GNAQ: variants seen among roughly 807,000 people sequenced by gnomAD.
GNAQ encodes the protein G protein subunit alpha q, also known as guanine nucleotide-binding protein G(q) subunit alpha.
In GNAQ, 8 loss-of-function variants were observed where a neutral mutation model predicts 43.9. The ratio of observed to expected loss-of-function variants is 0.18; its 90% confidence interval spans 0.11 to 0.33. The LOEUF is 0.33. Among genes scored for constraint, GNAQ ranks in the 10% least tolerant of loss-of-function variants. The pLI is 1.00. For synonymous variants in GNAQ, 155 were observed against 170.7 expected (o/e 0.91, Z 0.71); for missense variants, 158 against 450.8 (o/e 0.35, Z 5.88).
intron 5 of GNAQ, among the ~76,000 whole-genome samples, chr9:77,746,700 G>A (rs768169100): frequency 2.9e-4 from 44 of 152,168 alleles, no homozygotes; most frequent in South Asian, 1.0e-3. Context: ...AAAAAATTGG[G>A]TTATATAACT....
chr9:77,944,609 C>T (rs902630890), intron 1 of GNAQ, among the ~76,000 whole-genome samples: 2 of 152,140 alleles, frequency 1.3e-5, no homozygotes, highest in Non-Finnish European at 1.5e-5. Flanking sequence ...TGTGAACCAC[C>T]ATTTCTTCCA....
At chr9:77,946,125 A>T (rs1822891266) in intron 1 of GNAQ, among the ~76,000 whole-genome samples, 1 of 152,218 alleles carries the variant, frequency 6.6e-6, no homozygotes, top group Non-Finnish European at 1.5e-5. Flanking sequence ...AAGTGGTAAC[A>T]TCACTATCTA....
intron 5 of GNAQ, among the ~76,000 whole-genome samples, chr9:77,783,911 T>A (rs1372212735): frequency 6.6e-6 from 1 of 152,052 alleles, no homozygotes; most frequent in Non-Finnish European, 1.5e-5. Flanking sequence ...TTAAAAAAAA[T>A]TCTTGATGAC....
At chr9:77,874,109 A>AAAAAAAAC (rs1261057804) in intron 2 of GNAQ, among the ~76,000 whole-genome samples, 254 of 147,982 alleles carry the variant, frequency 1.7e-3, no homozygotes, top group East Asian at 8.4e-3. Context: ...CATCTCAAAA[A>AAAAAAAAC]AAAAAAACAA....
intron 1 of GNAQ, among the ~76,000 whole-genome samples, chr9:77,998,158 G>T (rs1823599285): frequency 6.6e-6 from 1 of 152,202 alleles, no homozygotes; most frequent in Non-Finnish European, 1.5e-5. Flanking sequence ...GGGTCAAGCT[G>T]CTCGGCTTCC....
intron 2 of GNAQ, among the ~76,000 whole-genome samples, chr9:77,849,004 A>G (rs1387583021): frequency 6.6e-6 from 1 of 152,218 alleles, no homozygotes; most frequent in African/African-American, 2.4e-5. Flanking sequence ...AAGAAGAAAA[A>G]TGTGTGGTGA....
At chr9:77,799,071 A>C (rs1826703288) in intron 3 of GNAQ, among the ~76,000 whole-genome samples, 1 of 152,234 alleles carries the variant, frequency 6.6e-6, no homozygotes, top group Non-Finnish European at 1.5e-5. Flanking sequence ...TGTAAAAAAT[A>C]ATCTGAAATG....
chr9:77,932,462 C>T (rs1165535178), intron 1 of GNAQ, among the ~76,000 whole-genome samples: 3 of 152,092 alleles, frequency 2.0e-5, no homozygotes, highest in Non-Finnish European at 4.4e-5. Flanking sequence ...TACAGAGTGA[C>T]CTGACTGCTG....
intron 1 of GNAQ, among the ~76,000 whole-genome samples, chr9:77,939,994 A>G (rs1829291766): frequency 1.3e-5 from 2 of 152,222 alleles, no homozygotes; most frequent in South Asian, 2.1e-4. Context: ...TCCTAAAACA[A>G]TAATTTCTAA....
chr9:77,762,253 G>A (rs930482572), intron 5 of GNAQ, among the ~76,000 whole-genome samples: 3 of 143,478 alleles, frequency 2.1e-5, no homozygotes. Flanking sequence ...GGAGGTTGGG[G>A]GGTCAGCCCC....
chr9:77,872,997 A>G (rs1292787471), intron 2 of GNAQ, among the ~76,000 whole-genome samples: 1 of 152,238 alleles, frequency 6.6e-6, no homozygotes, highest in Non-Finnish European at 1.5e-5. Flanking sequence ...ATGTTCCCAC[A>G]AAGACACTAG....
At chr9:77,934,812 T>A (rs141283388) in intron 1 of GNAQ, among the ~76,000 whole-genome samples, 2 of 152,330 alleles carry the variant, frequency 1.3e-5, no homozygotes, top group East Asian at 3.9e-4. Context: ...ACTGTTCATG[T>A]GGCATCTAAT....
intron 1 of GNAQ, among the ~76,000 whole-genome samples, chr9:77,956,908 G>A (rs920417032): frequency 1.3e-5 from 2 of 152,116 alleles, no homozygotes; most frequent in Non-Finnish European, 2.9e-5. Context: ...CATTTATTTG[G>A]GGTTTGAAAT....
At chr9:77,876,989 A>C (rs543351257) in intron 2 of GNAQ, among the ~76,000 whole-genome samples, 1 of 150,976 alleles carries the variant, frequency 6.6e-6, no homozygotes, top group East Asian at 1.9e-4. Flanking sequence ...TATTATTATC[A>C]TCAATTAAAT....
chr9:77,951,727 C>T (rs1451285230), intron 1 of GNAQ, among the ~76,000 whole-genome samples: 1 of 152,160 alleles, frequency 6.6e-6, no homozygotes, highest in East Asian at 1.9e-4. Context: ...TTTCTACCAC[C>T]CAACCTTACG....
At chr9:78,000,494 C>A (rs1823630319) in intron 1 of GNAQ, among the ~76,000 whole-genome samples, 1 of 152,084 alleles carries the variant, frequency 6.6e-6, no homozygotes, top group Admixed American at 6.6e-5. Flanking sequence ...CCTAAAATAA[C>A]CACATCTGTA....
At chr9:77,947,609 C>G (rs960469037) in intron 1 of GNAQ, among the ~76,000 whole-genome samples, 1 of 152,188 alleles carries the variant, frequency 6.6e-6, no homozygotes, top group African/African-American at 2.4e-5. Flanking sequence ...CCCATACATG[C>G]CCCTTTATTT....
chr9:77,919,268 T>G (rs1204277200), intron 2 of GNAQ, among the ~76,000 whole-genome samples: 1 of 152,170 alleles, frequency 6.6e-6, no homozygotes, highest in Non-Finnish European at 1.5e-5. Flanking sequence ...GCACTTACTA[T>G]GTACAAGATA....
At position 77,754,824 on chromosome 9, in the gene GNAQ, T is replaced by C. The variant is rs376717208; in HGVS notation, c.736-26157A>G. ...TATGGAGATATAACCAGTATGGAGG[T>C]TCCTCAAAAAACTAAAAATAGAGCT... On this transcript the variant is annotated intron_variant, in intron 5 of 6. Transcript: ENST00000286548. Among the ~76,000 whole-genome samples, 6 of 152,018 alleles carry C rather than the reference T, an allele frequency of 3.9e-5. No homozygotes were observed. In the East Asian group the frequency reaches 1.2e-3, roughly 29 times the overall value.
Sources: allele counts gnomAD v4.1 joint callset (sites outside exome capture counted in the v4.1 genomes callset), GRCh38; gene constraint gnomAD v4.1.1; transcripts MANE v1.5; gene names NCBI Gene and HGNC (gene_info 2026-07-23, HGNC 2026-07-21).